The following WSCD1 variants were observed in gnomAD, a reference collection of about 807,000 sequenced individuals.
WSCD1 encodes WSC domain sialate O sulfotransferase 1.
A neutral mutation model predicts 60.4 loss-of-function variants in WSCD1; 41 were observed. The ratio of observed to expected loss-of-function variants is 0.68; its 90% CI spans 0.53 to 0.88. The LOEUF is 0.88. Among genes scored for constraint, WSCD1 ranks in the 40% least tolerant of loss-of-function variants. The probability of loss-of-function intolerance (pLI) is 0.00; values close to 1 mark genes in which losing one functional copy is unlikely to be tolerated. For missense variants in WSCD1, 784 were observed against 796.2 expected, an observed-to-expected ratio of 0.98 and a Z score of 0.18; for synonymous variants, 361 against 332.5, an observed-to-expected ratio of 1.09 and a Z score of -0.93.
rs975176960 is a variant in WSCD1 at position 6,070,645 on chromosome 17, A to T, written c.-296A>T. The T allele has an allele frequency of 6.0e-5, 9 of 149,424 alleles. No individual in the cohort carries two copies. Among genetic ancestry groups the T allele is most frequent in the Admixed American group, 2.7e-4 (4 of 15,088 alleles). 9.3% of individuals were successfully genotyped at this position (149,424 alleles called of 1,614,324 possible). On this transcript the variant is annotated 5_prime_UTR_variant, in exon 1 of 9. Coordinates refer to ENST00000317744, the MANE Select transcript of WSCD1 (RefSeq NM_015253.2). ...GGTGCGGGCGCCCCAGCCGGCCGCG[A>T]TCGCGGGGTGAGTCCTGTCTCTCGG... is the stretch of plus-strand genomic sequence containing the variant.
chr17:6,116,614 C>A (rs1170018037), intron 7 of WSCD1, among the ~76,000 whole-genome samples: 1 of 152,230 alleles, frequency 6.6e-6, no homozygotes, highest in Non-Finnish European at 1.5e-5. Flanking sequence ...CCTTTCATAG[C>A]ATTTTCCAGC....
chr17:6,101,034 A>G lies in WSCD1; in HGVS notation c.849+5811A>G, dbSNP rs765898583. ...CAGAGAACTCTTTGCAGGGAATGGT[A>G]TCCTCTCTTCCCTCCTGAATGTTGA... On this transcript the variant is annotated intron_variant, in intron 5 of 8. Coordinates refer to ENST00000317744, the MANE Select transcript of WSCD1 (RefSeq NM_015253.2). The surrounding 1 kb of genome is among the most constrained non-coding windows in gnomAD (Gnocchi z 4.1). Among the ~76,000 whole-genome samples, 1 of 152,190 alleles carries G rather than the reference A, an allele frequency of 6.6e-6. No homozygotes were observed. The highest frequency in any genetic ancestry group is 1.5e-5 in the Non-Finnish European group (1 of 68,040).
At position 6,120,626 on chromosome 17, in the gene WSCD1, T is replaced by A. The variant is rs1904630866; in HGVS notation, c.1693T>A (p.Trp565Arg). The A allele has an allele frequency of 2.5e-6, 4 of 1,613,070 alleles. No individual in the cohort carries two copies. Among genetic ancestry groups the A allele is most frequent in the Non-Finnish European group, 3.4e-6 (4 of 1,179,860 alleles). Residue 565 changes from tryptophan to arginine, a missense_variant, in exon 9 of 9, where the codon TGG becomes AGG. Physicochemically the swap from Trp to Arg is moderately radical, Grantham distance 101. Coordinates refer to ENST00000317744, the MANE Select transcript of WSCD1 (RefSeq NM_015253.2). ...GGACCAAGCCCTGCGTGACCACAAC[T>A]GGACGGGGCTGCCCAGGGAGTATGT... The part of the protein sequence containing the change: ...TVDQALRDHN[W>R]TGLPREYVPR
intron 4 of WSCD1, among the ~76,000 whole-genome samples, chr17:6,094,724 GGGAGGGAGGGAA>G (rs768091476): frequency 8.9e-4 from 132 of 149,062 alleles, no homozygotes; most frequent in Non-Finnish European, 1.6e-3. Context: ...AAGGAAGAAA[GGGAGGGAGGGAA>G]GGAGGGAGGG....
intron 2 of WSCD1, among the ~76,000 whole-genome samples, chr17:6,081,603 C>T (rs141063223): frequency 3.3e-5 from 5 of 151,470 alleles, no homozygotes; most frequent in East Asian, 1.9e-4. Flanking sequence ...CCCAGCTGCT[C>T]GAGAGGCTGA....
intron 5 of WSCD1, among the ~76,000 whole-genome samples, chr17:6,107,130 C>T (rs1188498520): frequency 1.3e-5 from 2 of 152,180 alleles, no homozygotes; most frequent in Non-Finnish European, 2.9e-5. Context: ...TCCTTGTGTG[C>T]TTGTCCCTTG....
At chr17:6,095,266 G>T in intron 5 of WSCD1, 43 bp downstream of exon 5, 1 of 1,588,700 alleles carries the variant, frequency 6.3e-7, no homozygotes, top group Non-Finnish European at 8.6e-7. Flanking sequence ...CTTTAAGTGT[G>T]TGTGGTGGTC....
chr17:6,070,894 G>C (rs913361167), intron 1 of WSCD1, among the ~76,000 whole-genome samples: 2 of 150,084 alleles, frequency 1.3e-5, no homozygotes, highest in Non-Finnish European at 1.5e-5. Context: ...GGCGGCGCTC[G>C]GCGCGGCCGG....
chr17:6,098,589 C>T (rs1427549475), intron 5 of WSCD1, among the ~76,000 whole-genome samples: 1 of 152,196 alleles, frequency 6.6e-6, no homozygotes, highest in Non-Finnish European at 1.5e-5. Context: ...CCTCTGTCCT[C>T]AGCACTCACA....
chr17:6,082,133 T>G (rs1032024233), intron 2 of WSCD1, among the ~76,000 whole-genome samples: 1 of 152,226 alleles, frequency 6.6e-6, no homozygotes, highest in Admixed American at 6.5e-5. Context: ...TATTATTATA[T>G]CGCAGTTTTA....
Position 6,110,720 on chromosome 17 carries a change from G to T in WSCD1, c.1010-51G>T. 6.4e-7 allele frequency: 1 copy of T among 1,557,250 alleles called. No individual in the cohort carries two copies. The highest frequency in any genetic ancestry group is 8.7e-7 in the Non-Finnish European group (1 of 1,143,652). ...CTCTAAGGGAGTTTAGTGGTGAATT[G>T]GTGAGTCATAATGGAAGTGAGTAAC... is the stretch of plus-strand genomic sequence containing the variant. On this transcript the variant is annotated intron_variant, in intron 6 of 8. Coordinates refer to ENST00000317744, the MANE Select transcript of WSCD1 (RefSeq NM_015253.2). The surrounding 1 kb of genome is among the most constrained non-coding windows in gnomAD (Gnocchi z 4.8).
At position 6,095,462 on chromosome 17, in the gene WSCD1, G is replaced by T. The variant is rs41314097; in HGVS notation, c.849+239G>T. ...AATTGTCAGCAAGGCTTGTAAAGCC[G>T]AAAGGAGAGTGCCTTTCTGGATGCG... On this transcript the variant is annotated intron_variant, in intron 5 of 8. Transcript: ENST00000317744. Among the ~76,000 whole-genome samples the T allele has an allele frequency of 8.6e-3, 1,315 of 152,340 alleles. 14 individuals are homozygous for T. The highest frequency in any genetic ancestry group is 0.061 in the East Asian group (316 of 5,180).
Position 6,120,510 on chromosome 17 carries a change from G to A in WSCD1, c.1577G>A (p.Gly526Asp), listed in dbSNP as rs1310350038. The A allele has an allele frequency of 1.2e-6, 2 of 1,613,822 alleles. No individual in the cohort carries two copies. Among genetic ancestry groups the A allele is most frequent in the African/African-American group, 1.3e-5 (1 of 75,056 alleles). Residue 526 changes from glycine (G) to aspartate (D), a missense_variant, in exon 9 of 9, where the codon GGC (glycine) becomes GAC (aspartate). Gly to Asp is a moderately conservative substitution (Grantham distance 94, BLOSUM62 -1). Coordinates refer to ENST00000317744, the MANE Select transcript of WSCD1 (RefSeq NM_015253.2). ...CTCTGCGTGGAGAACAACAAGGAGG[G>A]CAGCTTCCGGCGGCGCGGCCGGCGC... ...RLLCVENNKE[G>D]SFRRRGRRSH...
chr17:6,124,194 T>C lies in WSCD1; in HGVS notation c.*3533T>C, dbSNP rs1904876458. ...GGTAGAAGCTGTTTTAATTCCCCTG[T>C]TGAATGTGAAAAAGGTAGTAGTATT... On this transcript the variant is annotated 3_prime_UTR_variant, in exon 9 of 9. Coordinates refer to ENST00000317744, the MANE Select transcript of WSCD1 (RefSeq NM_015253.2). The C allele has an allele frequency of 6.6e-6, 1 of 152,132 alleles. No homozygotes were observed. The highest frequency in any genetic ancestry group is 1.5e-5 in the Non-Finnish European group (1 of 68,024). 9.4% of individuals were successfully genotyped at this position (152,132 alleles called of 1,614,324 possible). A position where few individuals can be genotyped will look rare whatever the true frequency, so the allele number is the denominator to read the frequency against.
chr17:6,100,612 G>T (rs181226603), intron 5 of WSCD1, among the ~76,000 whole-genome samples: 1 of 152,216 alleles, frequency 6.6e-6, no homozygotes, highest in Non-Finnish European at 1.5e-5. Context: ...TAGAGCAGGG[G>T]TTCACAGCCT....
chr17:6,069,776 TG>T, upstream of WSCD1, among the ~76,000 whole-genome samples: 1 of 84,178 alleles, frequency 1.2e-5, no homozygotes, highest in South Asian at 3.4e-4. Flanking sequence ...GGTGATCCGG[TG>T]TGTGTGTGTG....
chr17:6,090,632 T>C, intron 4 of WSCD1, 127 bp downstream of exon 4: 1 of 1,309,636 alleles, frequency 7.6e-7, no homozygotes, highest in South Asian at 1.4e-5. Context: ...CTCCCTTCCC[T>C]ATTGCCATCA....
intron 2 of WSCD1, among the ~76,000 whole-genome samples, chr17:6,083,326 A>G (rs1909398601): frequency 6.6e-6 from 1 of 152,196 alleles, no homozygotes; most frequent in Non-Finnish European, 1.5e-5. Context: ...CTGATGAGCC[A>G]CCAAATGACT....
At chr17:6,098,213 C>G (rs1032447626) in intron 5 of WSCD1, among the ~76,000 whole-genome samples, 1 of 152,122 alleles carries the variant, frequency 6.6e-6, no homozygotes, top group Non-Finnish European at 1.5e-5. Context: ...CTCAAGCAAT[C>G]TGCCCTCCTT....
Sources: gnomAD v4.1 joint callset for allele counts (sites outside exome capture counted in the v4.1 genomes callset) on GRCh38, gnomAD v4.1.1 for gene constraint, Gnocchi (gnomAD v3.1) non-coding constraint, MANE v1.5 for transcripts, NCBI Gene and HGNC (gene_info 2026-07-23, HGNC 2026-07-21) for gene names.